The following OTOGL variants were observed in gnomAD, a reference collection of about 807,000 sequenced individuals.
OTOGL encodes otogelin like.
OTOGL carries 285 observed loss-of-function variants against 318.5 expected under a neutral mutation model. The observed-to-expected ratio is 0.89, with a 90% CI of 0.81 to 0.99. The LOEUF (loss-of-function observed/expected upper bound fraction) is 0.99. Ranked by LOEUF, OTOGL falls within the 50% of genes least tolerant of loss-of-function variation. The pLI, the probability that OTOGL is intolerant of heterozygous loss-of-function variation, is 0.00. For synonymous variants in OTOGL, 987 were observed against 936.5 expected, an observed-to-expected ratio of 1.05 and a Z score of -0.99; for missense variants, 2,899 against 2,845.6, an observed-to-expected ratio of 1.02 and a Z score of -0.43.
chr12:80,215,471 T>C (rs1877631258), intron 4 of OTOGL, among the ~76,000 whole-genome samples: 1 of 152,130 alleles, frequency 6.6e-6, no homozygotes, highest in South Asian at 2.1e-4. Flanking sequence ...CCGGCCTGCA[T>C]GTTTACAACT....
At chr12:80,198,362 G>A (rs745741356) in intron 1 of OTOGL, among the ~76,000 whole-genome samples, 4 of 152,194 alleles carry the variant, frequency 2.6e-5, no homozygotes, top group Admixed American at 6.5e-5. Context: ...CGAGGCAGGC[G>A]GATCATGAGG....
In OTOGL at chr12:80,303,195, G is replaced by A. The variant is rs1425249042; in HGVS notation, c.3213+412G>A. On this transcript the variant is annotated intron_variant, in intron 28 of 58. Coordinates refer to ENST00000547103, the MANE Select transcript of OTOGL (RefSeq NM_001378609.3). ...TTTTGAGACGGAGTCTGGCTCTGTCGCCCAGGCTGGAGTGCAGTGGCGCAA... is the reference window on the plus strand; with the variant it reads ...TTTTGAGACGGAGTCTGGCTCTGTCACCCAGGCTGGAGTGCAGTGGCGCAA... Among the ~76,000 whole-genome samples, 4 of 152,016 alleles carry A rather than the reference G, an allele frequency of 2.6e-5. No individual in the cohort carries two copies. The East Asian group carries it at 5.8e-4, about 22-fold the overall frequency.
chr12:80,333,109 G>A (rs1206679762), intron 38 of OTOGL, 31 bp downstream of exon 38: 1 of 1,530,882 alleles, frequency 6.5e-7, no homozygotes, highest in Middle Eastern at 1.7e-4. Flanking sequence ...CCAGCTCTTT[G>A]TCATTTCCAT....
intron 11 of OTOGL, among the ~76,000 whole-genome samples, chr12:80,240,582 A>G (rs1880287530): frequency 6.6e-6 from 1 of 152,096 alleles, no homozygotes; most frequent in Admixed American, 6.6e-5. Context: ...ACAATGGAAA[A>G]TGAAAATATA....
intron 1 of OTOGL, among the ~76,000 whole-genome samples, chr12:80,129,391 G>T (rs115235473): frequency 8.5e-5 from 13 of 152,224 alleles, no homozygotes; most frequent in African/African-American, 3.1e-4. Flanking sequence ...CTATGTTTAT[G>T]AGACAGCATC....
At chr12:80,121,678 G>A (rs1485125894) in intron 1 of OTOGL, among the ~76,000 whole-genome samples, 2 of 152,092 alleles carry the variant, frequency 1.3e-5, no homozygotes, top group Admixed American at 6.6e-5. Context: ...ACTTCTCTTC[G>A]TATCATGTAG....
chr12:80,161,396 G>T (rs1277794854), intron 1 of OTOGL, among the ~76,000 whole-genome samples: 1 of 151,974 alleles, frequency 6.6e-6, no homozygotes, highest in Non-Finnish European at 1.5e-5. Context: ...AAGAAATTGA[G>T]AACCTTTCAT....
intron 7 of OTOGL, among the ~76,000 whole-genome samples, chr12:80,223,854 A>G (rs747783041): frequency 1.3e-5 from 2 of 152,082 alleles, no homozygotes; most frequent in Non-Finnish European, 2.9e-5. Context: ...TATAGATTGC[A>G]AAGATTTTCT....
chr12:80,182,509 ATAAT>A (rs1470638443), intron 1 of OTOGL, among the ~76,000 whole-genome samples: 1 of 152,272 alleles, frequency 6.6e-6, no homozygotes, highest in African/African-American at 2.4e-5. Flanking sequence ...AATTAAAAAA[ATAAT>A]TGTAATGCAG....
intron 9 of OTOGL, among the ~76,000 whole-genome samples, chr12:80,235,858 A>G (rs546898526): frequency 5.9e-5 from 9 of 152,332 alleles, no homozygotes; most frequent in Admixed American, 2.0e-4. Flanking sequence ...AATTTTTTAA[A>G]AAAACCTAAC....
chr12:80,232,514 C>A (rs1257389903), intron 8 of OTOGL, among the ~76,000 whole-genome samples: 2 of 152,096 alleles, frequency 1.3e-5, no homozygotes, highest in African/African-American at 2.4e-5. Context: ...CTTTAACTCT[C>A]TAGATAAAAA....
At chr12:80,153,093 T>A (rs954078309) in intron 1 of OTOGL, among the ~76,000 whole-genome samples, 25 of 152,362 alleles carry the variant, frequency 1.6e-4, no homozygotes, top group African/African-American at 4.8e-4. Context: ...ATTTCCCATA[T>A]ATTCCCTGTA....
In OTOGL at chr12:80,143,718, G is replaced by C. The variant is rs1405726495; in HGVS notation, c.-20+44113G>C. Among the ~76,000 whole-genome samples the C allele has an allele frequency of 4.6e-5, 7 of 152,170 alleles. No individual in the cohort carries two copies. The South Asian group carries it at 8.3e-4, about 18-fold the overall frequency. ...TGACGCAGGTCTGTCACATTTGATA[G>C]AGTGTGTTAGTTTCTCATGATGGCA... is the stretch of plus-strand genomic sequence containing the variant. On this transcript the variant is annotated intron_variant, in intron 1 of 58. Transcript: ENST00000547103.
chr12:80,266,202 A>G, intron 20 of OTOGL: 1 of 472,526 alleles, frequency 2.1e-6, no homozygotes, highest in African/African-American at 1.9e-5. Flanking sequence ...GCAAAGCTGA[A>G]AATATTTACC....
At chr12:80,360,368 C>G (rs1890161469) in intron 52 of OTOGL, among the ~76,000 whole-genome samples, 2 of 127,034 alleles carry the variant, frequency 1.6e-5, no homozygotes, top group Non-Finnish European at 1.7e-5. Context: ...CTCTCACTCC[C>G]CCTCTCTCCC....
At chr12:80,148,747 T>C (rs1309653777) in intron 1 of OTOGL, among the ~76,000 whole-genome samples, 5 of 152,216 alleles carry the variant, frequency 3.3e-5, no homozygotes, top group Admixed American at 3.3e-4. Flanking sequence ...GAGGCTTTGC[T>C]CATTTGTTTT....
chr12:80,307,985 T>C (rs1371943980), intron 29 of OTOGL, among the ~76,000 whole-genome samples: 1 of 114,282 alleles, frequency 8.8e-6, no homozygotes, highest in Non-Finnish European at 1.8e-5. Context: ...CAGTTCCCAG[T>C]AGGGGCGGCC....
chr12:80,123,635 CTAGTT>C (rs1330038625), intron 1 of OTOGL, among the ~76,000 whole-genome samples: 1 of 152,134 alleles, frequency 6.6e-6, no homozygotes, highest in African/African-American at 2.4e-5. Flanking sequence ...AATGGTTGAA[CTAGTT>C]TATAGTCCCA....
At chr12:80,134,532 T>C (rs1346040379) in intron 1 of OTOGL, among the ~76,000 whole-genome samples, 2 of 152,234 alleles carry the variant, frequency 1.3e-5, no homozygotes, top group Non-Finnish European at 2.9e-5. Context: ...CACAGTTTTA[T>C]GTTTTTGCAC....
Sources: gnomAD v4.1 joint callset for allele counts (sites outside exome capture counted in the v4.1 genomes callset) on GRCh38, gnomAD v4.1.1 for gene constraint, MANE v1.5 for transcripts, NCBI Gene and HGNC (gene_info 2026-07-23, HGNC 2026-07-21) for gene names.